Variants in ST3GAL3 observed in about 807,000 individuals in gnomAD.
ST3GAL3 encodes ST3 beta-galactoside alpha-2,3-sialyltransferase 3.
ST3GAL3 carries 21 observed loss-of-function variants against 50.1 expected under a neutral mutation model. The observed-to-expected ratio is 0.42, with a 90% CI of 0.30 to 0.60. The LOEUF (loss-of-function observed/expected upper bound fraction) is 0.60, where lower values mean the gene tolerates loss of function less well. Ranked by LOEUF, ST3GAL3 falls within the 20% of genes least tolerant of loss-of-function variation. ST3GAL3 has a pLI of 0.19. For synonymous variants in ST3GAL3, 183 were observed against 190.0 expected (o/e 0.96, Z 0.30); for missense variants, 353 against 489.4 (o/e 0.72, Z 2.63).
At chr1:43,847,957 T>C (rs1040550912) in intron 5 of ST3GAL3, among the ~76,000 whole-genome samples, 1 of 152,226 alleles carries the variant, frequency 6.6e-6, no homozygotes, top group African/African-American at 2.4e-5. Context: ...TTAACATTTC[T>C]TGTGGGGCAG....
At chr1:43,929,114 A>T (rs1207994983) in intron 11 of ST3GAL3, among the ~76,000 whole-genome samples, 1 of 152,128 alleles carries the variant, frequency 6.6e-6, no homozygotes, top group African/African-American at 2.4e-5. Context: ...AGTCTTCCCC[A>T]GAAGCCTCTT....
intron 2 of ST3GAL3, among the ~76,000 whole-genome samples, chr1:43,778,544 T>C (rs1698131248): frequency 6.6e-6 from 1 of 152,126 alleles, no homozygotes; most frequent in South Asian, 2.1e-4. Flanking sequence ...TTCAATCATA[T>C]TTAGACAAAG....
intron 1 of ST3GAL3, among the ~76,000 whole-genome samples, chr1:43,708,457 C>T (rs1329221285): frequency 6.6e-6 from 1 of 152,140 alleles, no homozygotes; most frequent in Non-Finnish European, 1.5e-5. Context: ...AGTGGATGTA[C>T]TGTGAATTAT....
At chr1:43,898,485 G>A (rs2077722246) in intron 7 of ST3GAL3, 187 bp downstream of exon 7, 3 of 673,484 alleles carry the variant, frequency 4.5e-6, no homozygotes, top group African/African-American at 3.5e-5. Context: ...CACCCCCACG[G>A]GCTGTCAGCA....
In ST3GAL3 at chr1:43,761,794, CA is replaced by C. The variant is rs879756433; in HGVS notation, c.118+25421del. On this transcript the variant is annotated intron_variant, in intron 2 of 11. Coordinates refer to ENST00000347631, the MANE Select transcript of ST3GAL3 (RefSeq NM_006279.5). ...TGAAACCCAGTCTCTACTAAAAATA[CA>C]AAAAAATTAGCCGGGCATGGTGGTG... is the stretch of plus-strand genomic sequence containing the variant. 8.6e-5 allele frequency among the ~76,000 whole-genome samples: 13 copies of C among 150,582 alleles called. No individual in the cohort carries two copies. The East Asian group carries it at 2.2e-3, about 25-fold the overall frequency.
At chr1:43,748,768 G>A (rs1356426525) in intron 2 of ST3GAL3, among the ~76,000 whole-genome samples, 1 of 152,032 alleles carries the variant, frequency 6.6e-6, no homozygotes, top group African/African-American at 2.4e-5. Flanking sequence ...GAGGTTTTGA[G>A]TTGTTGCCCA....
chr1:43,857,581 T>G, intron 5 of ST3GAL3, among the ~76,000 whole-genome samples: 1 of 84,720 alleles, frequency 1.2e-5, no homozygotes, highest in African/African-American at 4.9e-5. Flanking sequence ...CTTTCCTTCC[T>G]CCCTCCCTTC....
intron 1 of ST3GAL3, among the ~76,000 whole-genome samples, chr1:43,726,264 A>G (rs1260099192): frequency 6.6e-6 from 1 of 152,104 alleles, no homozygotes; most frequent in Non-Finnish European, 1.5e-5. Flanking sequence ...GAAATAGTTT[A>G]AAACTATTTT....
intron 2 of ST3GAL3, among the ~76,000 whole-genome samples, chr1:43,785,114 T>TAG (rs3838467): frequency 7.2e-5 from 11 of 152,114 alleles, no homozygotes; most frequent in East Asian, 3.9e-4. Flanking sequence ...GGACTAAGAC[T>TAG]GGGGGGGTTA....
intron 1 of ST3GAL3, chr1:43,709,528 C>T (rs1663498904): frequency 6.6e-6 from 1 of 152,058 alleles, no homozygotes; most frequent in Non-Finnish European, 1.5e-5. Flanking sequence ...GGACCACAGG[C>T]AGGTGACCTG....
intron 9 of ST3GAL3, chr1:43,912,498 A>G (rs1482039630): frequency 6.6e-6 from 1 of 152,194 alleles, no homozygotes; most frequent in East Asian, 1.9e-4. Context: ...TGTCGAGATC[A>G]GATTTGTGCA....
chr1:43,818,478 G>A (rs1343868146), intron 4 of ST3GAL3, among the ~76,000 whole-genome samples: 1 of 152,200 alleles, frequency 6.6e-6, no homozygotes, highest in Non-Finnish European at 1.5e-5. Flanking sequence ...TTTCCATAGA[G>A]GAAGACATAC....
intron 5 of ST3GAL3, among the ~76,000 whole-genome samples, chr1:43,855,304 CA>C (rs1308909645): frequency 2.0e-5 from 3 of 152,144 alleles, no homozygotes; most frequent in African/African-American, 7.2e-5. Context: ...ACCATAGTCC[CA>C]AATGCTGAAA....
chr1:43,797,494 G>GA (rs1313059212), intron 3 of ST3GAL3, among the ~76,000 whole-genome samples: 9 of 152,048 alleles, frequency 5.9e-5, no homozygotes, highest in Non-Finnish European at 1.2e-4. Flanking sequence ...GTTCAACAAT[G>GA]AAAAAATCAA....
chr1:43,772,939 G>A (rs1310917688), intron 2 of ST3GAL3, among the ~76,000 whole-genome samples: 10 of 152,032 alleles, frequency 6.6e-5, no homozygotes, highest in Non-Finnish European at 1.3e-4. Context: ...AGTAGAGATG[G>A]GATTTCACCA....
At chr1:43,781,469 G>C (rs1699326871) in intron 2 of ST3GAL3, among the ~76,000 whole-genome samples, 1 of 151,982 alleles carries the variant, frequency 6.6e-6, no homozygotes, top group Admixed American at 6.6e-5. Context: ...AAATTAGCCA[G>C]GCATGGTGGC....
intron 7 of ST3GAL3, 71 bp downstream of exon 7, chr1:43,898,369 G>A: frequency 6.6e-7 from 1 of 1,520,152 alleles, no homozygotes; most frequent in East Asian, 2.2e-5. Flanking sequence ...AGGCCCAGCT[G>A]GCCTTCCCTG....
At chr1:43,816,276 G>A (rs37467) in intron 4 of ST3GAL3, among the ~76,000 whole-genome samples, 151,792 of 152,306 alleles carry the variant, frequency 1, 75,642 homozygotes, top group East Asian at 1. Flanking sequence ...CCCACTGAAT[G>A]GTCTGGCGTC....
chr1:43,741,270 C>T (rs1680824266), intron 2 of ST3GAL3, among the ~76,000 whole-genome samples: 1 of 152,098 alleles, frequency 6.6e-6, no homozygotes, highest in Non-Finnish European at 1.5e-5. Flanking sequence ...TCAATCAAGG[C>T]TGCAGTGAGC....
Sources: gnomAD v4.1 joint callset for allele counts (sites outside exome capture counted in the v4.1 genomes callset) on GRCh38, gnomAD v4.1.1 for gene constraint, MANE v1.5 for transcripts, NCBI Gene and HGNC (gene_info 2026-07-23, HGNC 2026-07-21) for gene names.